Variants in MELTF observed in about 807,000 individuals in gnomAD.
The protein encoded by MELTF is melanotransferrin, also known as antigen p97 (melanoma associated) identified by monoclonal antibodies 133.2 and 96.5.
MELTF carries 67 observed loss-of-function variants against 83.7 expected under a neutral mutation model. The ratio of observed to expected loss-of-function variants is 0.80; its 90% CI spans 0.66 to 0.98. MELTF has a LOEUF of 0.98. Among genes scored for constraint, MELTF ranks in the 50% least tolerant of loss-of-function variants. The probability of loss-of-function intolerance (pLI) is 0.00; values close to 1 mark genes in which losing one functional copy is unlikely to be tolerated. For missense variants in MELTF, 1,002 were observed against 1,035.6 expected (o/e 0.97, Z 0.44); for synonymous variants, 462 against 447.6 (o/e 1.03, Z -0.41).
rs565516149 is a variant in MELTF, at chr3:197,026,505, A to G, written c.304+155T>C. On this transcript the variant is annotated intron_variant, in intron 3 of 15. Coordinates refer to ENST00000296350, the MANE Select transcript of MELTF (RefSeq NM_005929.6). ...TCCCTGGAGCTCCTGTCCCTGGGGA[A>G]TTTGAGAGAGCCTTAGGGCGTTCTT... is the stretch of plus-strand genomic sequence containing the variant. 3.6e-5 allele frequency: 23 copies of G among 632,070 alleles called. No homozygotes were observed. The South Asian group carries it at 3.9e-4, about 11-fold the overall frequency. 39.2% of individuals were successfully genotyped at this position (632,070 alleles called of 1,614,324 possible).
chr3:197,017,616 G>T (rs1410522731), intron 6 of MELTF, among the ~76,000 whole-genome samples: 2 of 152,218 alleles, frequency 1.3e-5, no homozygotes, highest in South Asian at 2.1e-4. Flanking sequence ...GGTGGCTCAC[G>T]CCTGTAATCC....
At position 197,008,099 on chromosome 3, in the gene MELTF, T is replaced by C. The variant is rs1163483494; in HGVS notation, c.1750+558A>G. Among the ~76,000 whole-genome samples, 1 of 152,106 alleles carries C rather than the reference T, an allele frequency of 6.6e-6. No individual in the cohort carries two copies. The highest frequency in any genetic ancestry group is 1.5e-5 in the Non-Finnish European group (1 of 68,036). On this transcript the variant is annotated intron_variant, in intron 13 of 15. Coordinates refer to ENST00000296350, the MANE Select transcript of MELTF (RefSeq NM_005929.6). The surrounding 1 kb of genome is among the most constrained non-coding windows in gnomAD (Gnocchi z 5.4). ...GAGCGTGTGCTCTGATAGGACCATGTATGTACTGGGGTCCCGGAGCAGAGC... is the reference window on the plus strand; with the variant it reads ...GAGCGTGTGCTCTGATAGGACCATGCATGTACTGGGGTCCCGGAGCAGAGC...
chr3:197,016,267 T>A lies in MELTF; in HGVS notation c.1003A>T (p.Ile335Phe). The change falls in exon 8 of 16, where the codon ATC becomes TTC. Residue 335 changes from isoleucine (I) to phenylalanine (F), a missense_variant. Ile to Phe is a conservative substitution (Grantham distance 21, BLOSUM62 0). Coordinates refer to ENST00000296350, the MANE Select transcript of MELTF (RefSeq NM_005929.6). ...CACGCCTCATAGGTCTGTGTGGCGA[T>A]GGGCACAAGCTCCGAGGTAGAGTCT... ...FKDSTSELVP[I>F]ATQTYEAWLG... 1 of 1,613,186 alleles carries A rather than the reference T, an allele frequency of 6.2e-7. No individual in the cohort carries two copies. The highest frequency in any genetic ancestry group is 2.2e-5 in the East Asian group (1 of 44,816).
chr3:197,019,212 G>A (rs547775613), intron 6 of MELTF: 49 of 1,000,962 alleles, frequency 4.9e-5, no homozygotes, highest in Non-Finnish European at 5.2e-5. Context: ...CCTGTTTTTC[G>A]GCGGCTGCAA....
chr3:197,018,879 C>T (rs1719506223), intron 6 of MELTF: 1 of 951,960 alleles, frequency 1.1e-6, no homozygotes, highest in Non-Finnish European at 1.3e-6. Context: ...AGAAAATTTG[C>T]AAGAGTAACT....
At chr3:197,023,346 G>A (rs967146915) in intron 4 of MELTF, among the ~76,000 whole-genome samples, 8 of 152,224 alleles carry the variant, frequency 5.3e-5, no homozygotes, top group African/African-American at 1.2e-4. Flanking sequence ...ATGGTTCGGG[G>A]GAACTAAACA....
At chr3:197,016,870 T>A (rs1373927321) in intron 7 of MELTF, among the ~76,000 whole-genome samples, 1 of 152,230 alleles carries the variant, frequency 6.6e-6, no homozygotes, top group Non-Finnish European at 1.5e-5. Flanking sequence ...AGGAGCTTCT[T>A]CTGAGGGTGC....
In MELTF at chr3:197,001,936, AAC is replaced by A. The variant is rs1287782921; in HGVS notation, c.*1434_*1435del. On this transcript the variant is annotated 3_prime_UTR_variant, in exon 16 of 16. Coordinates refer to ENST00000296350, the MANE Select transcript of MELTF (RefSeq NM_005929.6). Reference sequence around the variant, plus strand: ...GCTAGCCCAGAGTTAGCCACACAGAAACACACTTCTCACCGCACAAAACTCCC... The same window carrying A: ...GCTAGCCCAGAGTTAGCCACACAGAAACACTTCTCACCGCACAAAACTCCC... 6.6e-6 allele frequency: 1 copy of A among 152,202 alleles called. No individual in the cohort carries two copies. Among genetic ancestry groups the A allele is most frequent in the Admixed American group, 6.5e-5 (1 of 15,274 alleles). The allele number at this position is 152,202 out of a possible 1,614,324, so 9.4% of individuals were successfully genotyped here.
intron 6 of MELTF, chr3:197,019,904 C>T (rs1008024766): frequency 1.7e-5 from 24 of 1,425,508 alleles, no homozygotes; most frequent in African/African-American, 1.1e-4. Flanking sequence ...GCAGACAGAA[C>T]GGTGTGTTTG....
chr3:197,004,981 T>C (rs1383632109), intron 14 of MELTF, among the ~76,000 whole-genome samples: 1 of 151,882 alleles, frequency 6.6e-6, no homozygotes, highest in African/African-American at 2.4e-5. Context: ...GATAGAGGGG[T>C]TCTGTGGGGA....
At position 197,002,162 on chromosome 3, in the gene MELTF, A is replaced by G. The variant is rs1180962323; in HGVS notation, c.*1210T>C. On this transcript the variant is annotated 3_prime_UTR_variant, in exon 16 of 16. Coordinates refer to ENST00000296350, the MANE Select transcript of MELTF (RefSeq NM_005929.6). ...CCTCTGCGGCTGAGAGATGGAAGGG[A>G]TCCTTCCCGACGCCCGCAGGTGGGG... 6.6e-6 allele frequency: 1 copy of G among 151,918 alleles called. No individual in the cohort carries two copies. Among genetic ancestry groups the G allele is most frequent in the Non-Finnish European group, 1.5e-5 (1 of 67,984 alleles). 9.4% of individuals were successfully genotyped at this position (151,918 alleles called of 1,614,324 possible).
rs768525504 is a variant in MELTF, at chr3:197,008,902, G to A, written c.1589C>T (p.Ser530Leu). 6.2e-6 allele frequency: 10 copies of A among 1,614,172 alleles called. No individual in the cohort carries two copies. In the East Asian group the frequency reaches 8.9e-5, roughly 14 times the overall value. ...PVNNPKNYPS[S>L]LCALCVGDEQ... ...GTCCCCCACGCACAGTGCACACAGCGAGGAGGGGTAGTTCTTGGGGTTGTT... is the reference window on the plus strand; with the variant it reads ...GTCCCCCACGCACAGTGCACACAGCAAGGAGGGGTAGTTCTTGGGGTTGTT... Residue 530 changes from serine (S) to leucine (L), a missense_variant, in exon 12 of 16, where the codon TCG becomes TTG. Coordinates refer to ENST00000296350, the MANE Select transcript of MELTF (RefSeq NM_005929.6). This position sits in a 1 kb window ranked among gnomAD's most constrained non-coding sequence, Gnocchi z 5.4.
At position 197,024,394 on chromosome 3, in the gene MELTF, C is replaced by T. The variant is rs771522506; in HGVS notation, c.396G>A (p.Thr132=). The T allele has an allele frequency of 2.3e-5, 37 of 1,610,730 alleles. 1 individual carries two copies. Among genetic ancestry groups the T allele is most frequent in the South Asian group, 1.1e-4 (10 of 90,918 alleles). ...DTLKGVKSCH[T]GINRTVGWNV... Reference sequence around the variant, plus strand: ...TCCAGCCCACTGTGCGATTGATGCCCGTGTGGCAGGACTTCACGCCTTTCA... The same window carrying T: ...TCCAGCCCACTGTGCGATTGATGCCTGTGTGGCAGGACTTCACGCCTTTCA... The change falls in exon 4 of 16, where the codon ACG becomes ACA. Residue 132 remains threonine (T), a synonymous_variant. Coordinates refer to ENST00000296350, the MANE Select transcript of MELTF (RefSeq NM_005929.6). This position sits in a 1 kb window ranked among gnomAD's most constrained non-coding sequence, Gnocchi z 5.3.
rs1358597953 is a variant in MELTF, at chr3:197,024,740, C to T, written c.305-255G>A. On this transcript the variant is annotated intron_variant, in intron 3 of 15. Coordinates refer to ENST00000296350, the MANE Select transcript of MELTF (RefSeq NM_005929.6). This position sits in a 1 kb window ranked among gnomAD's most constrained non-coding sequence, Gnocchi z 5.3. ...TGTATTCATTGATTTCCCCCTCTTCCTTCCCCAGCAGCTGGTGCTTAGCTG... is the reference window on the plus strand; with the variant it reads ...TGTATTCATTGATTTCCCCCTCTTCTTTCCCCAGCAGCTGGTGCTTAGCTG... 6.6e-6 allele frequency among the ~76,000 whole-genome samples: 1 copy of T among 152,228 alleles called. No homozygotes were observed. Among genetic ancestry groups the T allele is most frequent in the Non-Finnish European group, 1.5e-5 (1 of 68,038 alleles).
At chr3:197,028,782 G>C (rs1719964153) in intron 1 of MELTF, 1 of 152,684 alleles carries the variant, frequency 6.5e-6, no homozygotes, top group African/African-American at 2.4e-5. Context: ...AGCACTGCCA[G>C]AGGCCTGTGC....
chr3:197,018,939 T>C, intron 6 of MELTF: 1 of 985,230 alleles, frequency 1.0e-6, no homozygotes, highest in Non-Finnish European at 1.2e-6. Flanking sequence ...GGACTATAAT[T>C]AAACCACAGA....
Position 197,009,466 on chromosome 3 carries a change from G to T in MELTF, c.1525+152C>A, listed in dbSNP as rs929444659. The T allele has an allele frequency of 1.6e-5, 11 of 689,298 alleles. No individual in the cohort carries two copies. The African/African-American group carries it at 2.0e-4, about 12-fold the overall frequency. 42.7% of individuals were successfully genotyped at this position (689,298 alleles called of 1,614,324 possible). On this transcript the variant is annotated intron_variant, in intron 11 of 15. Coordinates refer to ENST00000296350, the MANE Select transcript of MELTF (RefSeq NM_005929.6). ...GGGGCTTCATGTATAGCATATGGTG[G>T]GTCCTTCTGTCCCCAGCTTATGGAG...
rs1341267878 is a variant in MELTF, at chr3:197,001,897, A to G, written c.*1475T>C. 1 of 152,160 alleles carries G rather than the reference A, an allele frequency of 6.6e-6. No individual in the cohort carries two copies. The highest frequency in any genetic ancestry group is 1.5e-5 in the Non-Finnish European group (1 of 68,034). 9.4% of individuals were successfully genotyped at this position (152,160 alleles called of 1,614,324 possible). A position where few individuals can be genotyped will look rare whatever the true frequency, so the allele number is the denominator to read the frequency against. On this transcript the variant is annotated 3_prime_UTR_variant, in exon 16 of 16. Transcript: ENST00000296350. ...CTGCACCCACGCAGGCCACACCTTC[A>G]ATGGCCACGGCACGCTAGCCCAGAG...
At chr3:197,016,809 T>C (rs1385981793) in intron 7 of MELTF, among the ~76,000 whole-genome samples, 2 of 142,614 alleles carry the variant, frequency 1.4e-5, no homozygotes, top group African/African-American at 2.6e-5. Flanking sequence ...TTTTGTTACT[T>C]GGTTTATTTG....
Sources: allele counts gnomAD v4.1 joint callset (sites outside exome capture counted in the v4.1 genomes callset), GRCh38; gene constraint gnomAD v4.1.1; non-coding constraint Gnocchi (gnomAD v3.1); transcripts MANE v1.5; gene names NCBI Gene and HGNC (gene_info 2026-07-23, HGNC 2026-07-21).